The following LRPPRC variants were observed in gnomAD, a reference collection of about 807,000 sequenced individuals.
LRPPRC encodes the protein leucine-rich PPR motif-containing protein, mitochondrial.
Under a neutral mutation model 180.3 loss-of-function variants are expected in LRPPRC, and 120 were observed. The ratio of observed to expected loss-of-function variants is 0.67; its 90% CI spans 0.57 to 0.77. The LOEUF is 0.77. Ranked by LOEUF, LRPPRC falls within the 30% of genes least tolerant of loss-of-function variation. The probability of loss-of-function intolerance (pLI) is 0.00; values close to 1 mark genes in which losing one functional copy is unlikely to be tolerated. For synonymous variants in LRPPRC, 723 were observed against 600.0 expected (o/e 1.21, Z -3.00); for missense variants, 2,012 against 1,657.2 (o/e 1.21, Z -3.72).
intron 23 of LRPPRC, among the ~76,000 whole-genome samples, chr2:43,937,983 A>C (rs1429196212): frequency 6.6e-6 from 1 of 152,204 alleles, no homozygotes; most frequent in Non-Finnish European, 1.5e-5. Flanking sequence ...CTAAGAAATA[A>C]CAATAATCCT....
chr2:43,936,276 T>C (rs1672275689), intron 23 of LRPPRC, among the ~76,000 whole-genome samples: 1 of 152,190 alleles, frequency 6.6e-6, no homozygotes, highest in Non-Finnish European at 1.5e-5. Flanking sequence ...GTCAGTTCAG[T>C]ACATCTAATT....
At chr2:43,958,692 T>C (rs1673220203) in intron 13 of LRPPRC, among the ~76,000 whole-genome samples, 1 of 152,148 alleles carries the variant, frequency 6.6e-6, no homozygotes, top group Non-Finnish European at 1.5e-5. Context: ...AGTGGGAAAA[T>C]GTTCTCTACT....
intron 11 of LRPPRC, among the ~76,000 whole-genome samples, chr2:43,971,971 T>C (rs1233808612): frequency 2.0e-5 from 3 of 147,040 alleles, no homozygotes; most frequent in Admixed American, 2.0e-4. Flanking sequence ...AAAACCTTCA[T>C]CGATTAAAAA....
Position 43,956,592 on chromosome 2 carries a change from C to T in LRPPRC, c.1649+793G>A, listed in dbSNP as rs961172613. ...AATATTAACAACTGGCAAATCTACA[C>T]AAAGGGTATTACAGAGGATGGGCAC... is the stretch of plus-strand genomic sequence containing the variant. On this transcript the variant is annotated intron_variant, in intron 14 of 37. Transcript: ENST00000260665. 2.6e-5 allele frequency among the ~76,000 whole-genome samples: 4 copies of T among 151,810 alleles called. No homozygotes were observed. The South Asian group carries it at 8.3e-4, about 31-fold the overall frequency.
chr2:43,971,957 A>G (rs1203527972), intron 11 of LRPPRC, among the ~76,000 whole-genome samples: 1 of 151,568 alleles, frequency 6.6e-6, no homozygotes, highest in African/African-American at 2.4e-5. Context: ...ATATTTTTTC[A>G]GACAAAACCT....
At chr2:43,901,788 C>T in intron 31 of LRPPRC, 1 of 420,432 alleles carries the variant, frequency 2.4e-6, no homozygotes, top group East Asian at 4.6e-5. Context: ...ATATGAGTTC[C>T]ATTTAGGGAT....
chr2:43,899,279 A>G lies in LRPPRC; in HGVS notation c.3765T>C (p.Thr1255=). ...ANQFAIYKPV[T]DFFLQLVDAG... ...CATCCACAAGTTGAAGGAAAAAATC[A>G]GTGACAGGTTTATAAATTGCAAACT... The change falls in exon 34 of 38, where the codon ACT becomes ACC. Residue 1255 remains threonine, a synonymous_variant. Coordinates refer to ENST00000260665, the MANE Select transcript of LRPPRC (RefSeq NM_133259.4). 6.2e-7 allele frequency: 1 copy of G among 1,614,188 alleles called. No individual in the cohort carries two copies. The highest frequency in any genetic ancestry group is 8.5e-7 in the Non-Finnish European group (1 of 1,180,018).
intron 14 of LRPPRC, among the ~76,000 whole-genome samples, chr2:43,953,559 A>C (rs903460969): frequency 6.6e-6 from 1 of 152,206 alleles, no homozygotes; most frequent in African/African-American, 2.4e-5. Context: ...AAAAATGACC[A>C]ATCTGTGGCT....
Position 43,896,640 on chromosome 2 carries a change from T to A in LRPPRC, c.3894A>T (p.Gln1298His). The A allele has an allele frequency of 6.2e-7, 1 of 1,605,938 alleles. No homozygotes were observed. The highest frequency in any genetic ancestry group is 1.1e-5 in the South Asian group (1 of 90,822). Reference sequence around the variant, plus strand: ...AGCAGGTAAAGCACAGTACCTTTCCTTGTTTCCTAGAATTCCTAAGGAGGA... The same window carrying A: ...AGCAGGTAAAGCACAGTACCTTTCCATGTTTCCTAGAATTCCTAAGGAGGA... ...LLFLLRNSRK[Q>H]GKASTVKSVL... Residue 1298 changes from glutamine (Q) to histidine (H), a missense_variant, in exon 35 of 38, where the codon CAA becomes CAT. Transcript: ENST00000260665.
At chr2:43,905,877 C>T (rs532118111) in intron 30 of LRPPRC, 97 bp from the exon 31 acceptor site, 5 of 843,368 alleles carry the variant, frequency 5.9e-6, no homozygotes, top group East Asian at 5.0e-5. Flanking sequence ...AACTACTGTT[C>T]GTATGTTAAA....
At chr2:43,923,417 A>G (rs1198444558) in intron 27 of LRPPRC, among the ~76,000 whole-genome samples, 3 of 152,170 alleles carry the variant, frequency 2.0e-5, no homozygotes, top group African/African-American at 7.2e-5. Context: ...TCTTGAGCCC[A>G]GGAGGTTGAG....
At chr2:43,988,227 ACT>A (rs1454566513) in intron 1 of LRPPRC, among the ~76,000 whole-genome samples, 1 of 102,570 alleles carries the variant, frequency 9.7e-6, no homozygotes, top group Non-Finnish European at 1.9e-5. Context: ...GGAGACAGAG[ACT>A]CTGTCTCAAA....
At chr2:43,907,159 CT>C (rs1343455106) in intron 30 of LRPPRC, among the ~76,000 whole-genome samples, 1 of 152,110 alleles carries the variant, frequency 6.6e-6, no homozygotes, top group African/African-American at 2.4e-5. Context: ...AACTACAAAC[CT>C]TTCAAAAACC....
chr2:43,977,349 A>G, intron 3 of LRPPRC, 73 bp from the exon 4 acceptor site: 4 of 1,193,908 alleles, frequency 3.4e-6, no homozygotes, highest in Non-Finnish European at 4.9e-6. Context: ...ACCTAAATTT[A>G]ACAAACAAAA....
At chr2:43,979,790 A>C (rs771992376) in intron 3 of LRPPRC, 36 bp downstream of exon 3, 1 of 1,601,932 alleles carries the variant, frequency 6.2e-7, no homozygotes, top group South Asian at 1.1e-5. Context: ...AAACATCTAC[A>C]CCTTTTATAC....
intron 25 of LRPPRC, among the ~76,000 whole-genome samples, chr2:43,929,634 A>T (rs1453934972): frequency 6.6e-6 from 1 of 152,186 alleles, no homozygotes; most frequent in African/African-American, 2.4e-5. Context: ...GACCTACACA[A>T]TCCAAACCTA....
chr2:43,981,907 A>AC lies in LRPPRC; in HGVS notation c.346+330dup, dbSNP rs200897097. Among the ~76,000 whole-genome samples, 34 of 132,192 alleles carry AC rather than the reference A, an allele frequency of 2.6e-4. No individual in the cohort carries two copies. The East Asian group carries it at 3.3e-3, about 13-fold the overall frequency. The allele number at this position is 132,192 out of a possible 152,430, so 86.7% of individuals were successfully genotyped here. ...ACTTTTGCACCAACCTAAATTTAAG[A>AC]CTTTTTTTTTTGTTTTAAAGACAGA... On this transcript the variant is annotated intron_variant, in intron 2 of 37. Coordinates refer to ENST00000260665, the MANE Select transcript of LRPPRC (RefSeq NM_133259.4).
intron 27 of LRPPRC, among the ~76,000 whole-genome samples, chr2:43,922,419 A>G (rs1464802891): frequency 9.2e-5 from 14 of 152,360 alleles, no homozygotes; most frequent in African/African-American, 2.9e-4. Context: ...TTTTCAACAA[A>G]TATCCAAAAA....
At chr2:43,909,190 A>C (rs1009523112) in intron 30 of LRPPRC, among the ~76,000 whole-genome samples, 1 of 152,206 alleles carries the variant, frequency 6.6e-6, no homozygotes, top group Non-Finnish European at 1.5e-5. Context: ...TTTTAAAAGT[A>C]CTCAACAATT....
Sources: allele counts gnomAD v4.1 joint callset (sites outside exome capture counted in the v4.1 genomes callset), GRCh38; gene constraint gnomAD v4.1.1; transcripts MANE v1.5; gene names NCBI Gene and HGNC (gene_info 2026-07-23, HGNC 2026-07-21).